RPTOR: variants seen among roughly 807,000 people sequenced by gnomAD.
RPTOR encodes regulatory associated protein of MTOR complex 1.
In RPTOR, 21 loss-of-function variants were observed where a neutral mutation model predicts 169.9. The ratio of observed to expected loss-of-function variants is 0.12; its 90% confidence interval spans 0.09 to 0.18. The LOEUF (loss-of-function observed/expected upper bound fraction) is 0.18. Among genes scored for constraint, RPTOR ranks in the 10% least tolerant of loss-of-function variants. The pLI is 1.00. For missense variants in RPTOR, 1,133 were observed against 1,855.9 expected, an observed-to-expected ratio of 0.61 and a Z score of 7.16; for synonymous variants, 732 against 753.2, an observed-to-expected ratio of 0.97 and a Z score of 0.46.
intron 7 of RPTOR, among the ~76,000 whole-genome samples, chr17:80,807,944 G>A (rs1041325406): frequency 6.6e-6 from 1 of 152,106 alleles, no homozygotes; most frequent in African/African-American, 2.4e-5. Flanking sequence ...GCTGGATGTG[G>A]TCCTTGGGCC....
intron 5 of RPTOR, 95 bp from the exon 6 acceptor site, chr17:80,753,915 T>C: frequency 8.6e-7 from 1 of 1,163,290 alleles, no homozygotes; most frequent in Non-Finnish European, 1.3e-6. Flanking sequence ...CTGAGTTGAT[T>C]TATTCTTTCC....
chr17:80,792,893 C>T (rs2067063530), intron 7 of RPTOR, among the ~76,000 whole-genome samples: 1 of 152,136 alleles, frequency 6.6e-6, no homozygotes, highest in Non-Finnish European at 1.5e-5. Context: ...CCCGCCACCC[C>T]TGCGCCCTCC....
chr17:80,883,702 C>T (rs1567966154), intron 15 of RPTOR, 79 bp from the exon 16 acceptor site: 14 of 1,487,790 alleles, frequency 9.4e-6, no homozygotes, highest in South Asian at 5.7e-5. Flanking sequence ...GGGTGGCCAC[C>T]GTTGTCCCGT....
chr17:80,637,529 C>T (rs1199542354), intron 2 of RPTOR, among the ~76,000 whole-genome samples: 1 of 152,222 alleles, frequency 6.6e-6, no homozygotes, highest in South Asian at 2.1e-4. Context: ...AGGGGAGAGG[C>T]TGTTTTGTTT....
chr17:80,966,117 A>AACC lies in RPTOR; in HGVS notation c.*1787_*1788insACC, dbSNP rs2069426502. The AACC allele has an allele frequency of 1.7e-5, 3 of 175,604 alleles. No individual in the cohort carries two copies. Among genetic ancestry groups the AACC allele is most frequent in the East Asian group, 7.9e-5 (1 of 12,640 alleles). The allele number at this position is 175,604 out of a possible 1,614,324, so 10.9% of individuals were successfully genotyped here. The stretch of plus-strand genomic sequence containing the variant: ...GGCAGGTGGCTCCAGAGGGGTCAAG[A>AACC]CCCCCCCCCGCCCCCGCTCCACCCT... On this transcript the variant is annotated 3_prime_UTR_variant, in exon 34 of 34. Transcript: ENST00000306801.
At chr17:80,946,684 G>C (rs970830690) in intron 26 of RPTOR, among the ~76,000 whole-genome samples, 6 of 152,212 alleles carry the variant, frequency 3.9e-5, no homozygotes. Flanking sequence ...ATATTCCACT[G>C]TGTGGATGGA....
At chr17:80,579,088 T>C (rs2064991772) in intron 1 of RPTOR, among the ~76,000 whole-genome samples, 1 of 152,210 alleles carries the variant, frequency 6.6e-6, no homozygotes, top group Admixed American at 6.5e-5. Flanking sequence ...GTACTCGGGG[T>C]TATTATTTAC....
At chr17:80,932,145 G>C (rs1454418232) in intron 24 of RPTOR, among the ~76,000 whole-genome samples, 1 of 62,472 alleles carries the variant, frequency 1.6e-5, no homozygotes, top group African/African-American at 7.0e-5. Flanking sequence ...TTCCAGGCAT[G>C]CATATATATA....
At chr17:80,630,837 G>A (rs2065436666) in intron 2 of RPTOR, among the ~76,000 whole-genome samples, 1 of 152,166 alleles carries the variant, frequency 6.6e-6, no homozygotes, top group African/African-American at 2.4e-5. Flanking sequence ...TCACTGAGTG[G>A]TCCCTGGCTT....
intron 6 of RPTOR, among the ~76,000 whole-genome samples, chr17:80,779,037 C>T (rs542618214): frequency 6.6e-6 from 1 of 152,292 alleles, no homozygotes; most frequent in South Asian, 2.1e-4. Context: ...CAGTTTGTAC[C>T]TGTCATAGTC....
Position 80,627,826 on chromosome 17 carries a change from G to A in RPTOR, c.265+2033G>A, listed in dbSNP as rs188484776. The stretch of plus-strand genomic sequence containing the variant: ...GTGATTATTAGCTCATATGTTAAGC[G>A]TATGTTTAAATTTTTTTTTTTTTTT... On this transcript the variant is annotated intron_variant, in intron 2 of 33. Transcript: ENST00000306801. 2.6e-3 allele frequency among the ~76,000 whole-genome samples: 387 copies of A among 150,746 alleles called. 2 individuals are homozygous for A. The highest frequency in any genetic ancestry group is 7.9e-3 in the African/African-American group (325 of 41,160).
At chr17:80,809,349 G>C (rs899058673) in intron 7 of RPTOR, among the ~76,000 whole-genome samples, 1 of 152,002 alleles carries the variant, frequency 6.6e-6, no homozygotes, top group Non-Finnish European at 1.5e-5. Flanking sequence ...GCGCCACCAC[G>C]CCCAGCTGAT....
At chr17:80,772,650 A>G (rs1376766714) in intron 6 of RPTOR, among the ~76,000 whole-genome samples, 2 of 150,248 alleles carry the variant, frequency 1.3e-5, no homozygotes, top group African/African-American at 2.4e-5. Flanking sequence ...GGCTCATCCA[A>G]TGGCTTGGAC....
chr17:80,717,143 G>T (rs1035788337), intron 4 of RPTOR, among the ~76,000 whole-genome samples: 3 of 152,146 alleles, frequency 2.0e-5, no homozygotes, highest in African/African-American at 7.2e-5. Context: ...GCATTGAAAT[G>T]AGTGGATATT....
chr17:80,854,117 G>A (rs913247002), intron 11 of RPTOR, among the ~76,000 whole-genome samples: 4 of 152,082 alleles, frequency 2.6e-5, no homozygotes, highest in African/African-American at 7.2e-5. Context: ...AAAACTAAAC[G>A]CATGCAGGGC....
At chr17:80,597,484 T>G (rs2065152466) in intron 1 of RPTOR, among the ~76,000 whole-genome samples, 1 of 152,130 alleles carries the variant, frequency 6.6e-6, no homozygotes, top group Non-Finnish European at 1.5e-5. Context: ...AGTGAAAGTT[T>G]TAAATAGGTG....
Position 80,742,609 on chromosome 17 carries a change from C to CCA in RPTOR, c.655-11394_655-11393dup, listed in dbSNP as rs906020574. On this transcript the variant is annotated intron_variant, in intron 5 of 33. Transcript: ENST00000306801. ...ATATGCATATAGACATGCATAGATG[C>CCA]CACACACATACACACGCACATATAC... Among the ~76,000 whole-genome samples, 338 of 151,316 alleles carry CCA rather than the reference C, an allele frequency of 2.2e-3. 2 individuals carry two copies. Among genetic ancestry groups the CCA allele is most frequent in the East Asian group, 8.2e-3 (42 of 5,148 alleles).
At position 80,897,041 on chromosome 17, in the gene RPTOR, C is replaced by A. The variant is rs1007257121; in HGVS notation, c.2401+3176C>A. Among the ~76,000 whole-genome samples, 4 of 152,218 alleles carry A rather than the reference C, an allele frequency of 2.6e-5. No individual in the cohort carries two copies. In the East Asian group the frequency reaches 7.7e-4, roughly 29 times the overall value. On this transcript the variant is annotated intron_variant, in intron 20 of 33. Transcript: ENST00000306801. ...TTTGGGAGGCGGAGGCCGAGACGGG[C>A]GGATCACGAGGTCAGGAGATCAAGA...
intron 21 of RPTOR, among the ~76,000 whole-genome samples, chr17:80,913,446 G>T (rs946683826): frequency 6.6e-6 from 1 of 151,900 alleles, no homozygotes; most frequent in Non-Finnish European, 1.5e-5. Context: ...TTAGTTTTGG[G>T]GGTGTTGTTT....
Sources: gnomAD v4.1 joint callset for allele counts (sites outside exome capture counted in the v4.1 genomes callset) on GRCh38, gnomAD v4.1.1 for gene constraint, MANE v1.5 for transcripts, NCBI Gene and HGNC (gene_info 2026-07-23, HGNC 2026-07-21) for gene names.